ANO10: variants seen among roughly 807,000 people sequenced by gnomAD.
ANO10 encodes the protein anoctamin 10, also known as anoctamin-10.
A neutral mutation model predicts 74.7 loss-of-function variants in ANO10; 77 were observed. The observed-to-expected ratio is 1.03, with a 90% CI of 0.86 to 1.25. The LOEUF (loss-of-function observed/expected upper bound fraction) is 1.25, where lower values mean the gene tolerates loss of function less well. ANO10 is among the 50% of genes most tolerant of loss of function. ANO10 has a pLI of 0.00. For synonymous variants in ANO10, 279 were observed against 284.9 expected, an observed-to-expected ratio of 0.98 and a Z score of 0.21; for missense variants, 721 against 778.1, an observed-to-expected ratio of 0.93 and a Z score of 0.87.
chr3:43,670,541 C>T (rs1460540376), intron 1 of ANO10, among the ~76,000 whole-genome samples: 2 of 152,072 alleles, frequency 1.3e-5, no homozygotes, highest in Non-Finnish European at 2.9e-5. Context: ...ATATTCATGA[C>T]AAGTGCAACA....
chr3:43,508,785 G>A (rs1559628496), intron 11 of ANO10, among the ~76,000 whole-genome samples: 2 of 151,266 alleles, frequency 1.3e-5, no homozygotes, highest in Non-Finnish European at 2.9e-5. Flanking sequence ...CACACACCGG[G>A]GCCTGTTGTG....
chr3:43,666,165 A>G (rs1450869728), intron 1 of ANO10, among the ~76,000 whole-genome samples: 2 of 152,170 alleles, frequency 1.3e-5, no homozygotes, highest in Non-Finnish European at 2.9e-5. Flanking sequence ...AATAAAACCT[A>G]TATTTCAAGC....
chr3:43,538,495 C>G (rs2078814114), intron 11 of ANO10, among the ~76,000 whole-genome samples: 1 of 152,020 alleles, frequency 6.6e-6, no homozygotes, highest in Non-Finnish European at 1.5e-5. Context: ...CAGAAGGATA[C>G]CTTAAAGAAC....
intron 1 of ANO10, among the ~76,000 whole-genome samples, chr3:43,630,401 G>A (rs1490325949): frequency 1.3e-5 from 2 of 152,062 alleles, no homozygotes; most frequent in Non-Finnish European, 2.9e-5. Flanking sequence ...TAAAAGATGG[G>A]CAAAGACACA....
At chr3:43,516,864 A>T (rs922642) in intron 11 of ANO10, among the ~76,000 whole-genome samples, 22,192 of 152,166 alleles carry the variant, frequency 0.15, 2,062 homozygotes, top group African/African-American at 0.25. Flanking sequence ...TATAAAACAG[A>T]GTAGGAAGGA....
chr3:43,506,352 G>A (rs1173815828), intron 11 of ANO10, among the ~76,000 whole-genome samples: 1 of 151,982 alleles, frequency 6.6e-6, no homozygotes, highest in East Asian at 1.9e-4. Flanking sequence ...CACATTTCCT[G>A]CCCTGGTCCA....
intron 1 of ANO10, among the ~76,000 whole-genome samples, chr3:43,612,962 G>C (rs1356404400): frequency 6.6e-6 from 1 of 152,188 alleles, no homozygotes; most frequent in Non-Finnish European, 1.5e-5. Context: ...GAGGTCAGGA[G>C]TTCGAGACCA....
chr3:43,691,051 C>T (rs781537899), intron 1 of ANO10: 5 of 1,546,304 alleles, frequency 3.2e-6, no homozygotes, highest in Non-Finnish European at 4.4e-6. Context: ...TAAGCGCAGC[C>T]GGCAGGGGGC....
At chr3:43,679,094 C>T (rs2084160236) in intron 1 of ANO10, among the ~76,000 whole-genome samples, 1 of 152,098 alleles carries the variant, frequency 6.6e-6, no homozygotes, top group Admixed American at 6.5e-5. Flanking sequence ...ACAGTGGGTG[C>T]AGGACAGTGG....
intron 8 of ANO10, among the ~76,000 whole-genome samples, chr3:43,562,913 C>T (rs530356840): frequency 6.6e-6 from 1 of 152,072 alleles, no homozygotes; most frequent in Admixed American, 6.6e-5. Context: ...AAAGTTCCCA[C>T]CATTTTATGG....
At chr3:43,591,303 A>G (rs1575497088) in intron 4 of ANO10, among the ~76,000 whole-genome samples, 1 of 152,116 alleles carries the variant, frequency 6.6e-6, no homozygotes, top group African/African-American at 2.4e-5. Context: ...GCCACTCCCA[A>G]TTGGGCTAGA....
At chr3:43,593,538 A>G (rs58808315) in intron 4 of ANO10, among the ~76,000 whole-genome samples, 1 of 152,164 alleles carries the variant, frequency 6.6e-6, no homozygotes, top group Middle Eastern at 3.2e-3. Context: ...CAAATAAAAT[A>G]CTTTACAGAC....
At chr3:43,456,882 G>A (rs540083466) in intron 11 of ANO10, among the ~76,000 whole-genome samples, 10 of 152,236 alleles carry the variant, frequency 6.6e-5, no homozygotes, top group Non-Finnish European at 1.3e-4. Flanking sequence ...CAGTAAGTAC[G>A]GATTTTTCAT....
upstream of ANO10, among the ~76,000 whole-genome samples, chr3:43,622,247 A>T (rs536097243): frequency 4.9e-4 from 74 of 152,234 alleles, no homozygotes; most frequent in African/African-American, 1.6e-3. Flanking sequence ...GTCGCCTGGA[A>T]CAGGAGACCA....
intron 4 of ANO10, among the ~76,000 whole-genome samples, chr3:43,589,567 T>A (rs1231383751): frequency 6.6e-6 from 1 of 152,008 alleles, no homozygotes; most frequent in African/African-American, 2.4e-5. Flanking sequence ...TGAGCCAAGA[T>A]CATGTCACTG....
chr3:43,468,797 G>A (rs1303179795), intron 11 of ANO10, among the ~76,000 whole-genome samples: 5 of 148,756 alleles, frequency 3.4e-5, no homozygotes, highest in Admixed American at 1.4e-4. Context: ...TGCAACCTCC[G>A]CCTCCTGGGT....
rs768255062 is a variant in ANO10 at position 43,549,717 on chromosome 3, T to C, written c.1797+3A>G. On this transcript the variant is annotated splice_donor_region_variant and intron_variant, in intron 11 of 12. Transcript: ENST00000292246. ...CTTAAAATAAGTTTAAATCTTTACTTACCTCCACTGCTACTACAATCAAAA... is the reference window on the plus strand; with the variant it reads ...CTTAAAATAAGTTTAAATCTTTACTCACCTCCACTGCTACTACAATCAAAA... 6.2e-7 allele frequency: 1 copy of C among 1,613,950 alleles called. No homozygotes were observed. Among genetic ancestry groups the C allele is most frequent in the Non-Finnish European group, 8.5e-7 (1 of 1,179,850 alleles).
chr3:43,492,220 G>A (rs2076749760), intron 11 of ANO10, among the ~76,000 whole-genome samples: 1 of 152,156 alleles, frequency 6.6e-6, no homozygotes, highest in African/African-American at 2.4e-5. Context: ...ATGGTGTTGG[G>A]AAAACTGGCT....
chr3:43,504,737 G>A (rs1314151242), intron 11 of ANO10, among the ~76,000 whole-genome samples: 3 of 151,924 alleles, frequency 2.0e-5, no homozygotes, highest in Non-Finnish European at 4.4e-5. Context: ...CTGCCTCCTG[G>A]GTTCAAGGGA....
Sources: allele counts gnomAD v4.1 joint callset (sites outside exome capture counted in the v4.1 genomes callset), GRCh38; gene constraint gnomAD v4.1.1; transcripts MANE v1.5; gene names NCBI Gene and HGNC (gene_info 2026-07-23, HGNC 2026-07-21).